Variants in CNPY1 observed in about 807,000 individuals in gnomAD.
CNPY1 encodes the protein canopy FGF signaling regulator 1.
CNPY1 carries 14 observed loss-of-function variants against 14.4 expected under a neutral mutation model. The observed-to-expected ratio is 0.97, with a 90% CI of 0.64 to 1.52. The LOEUF is 1.52. CNPY1 is among the 40% of genes most tolerant of loss of function. The pLI, the probability that CNPY1 is intolerant of heterozygous loss-of-function variation, is 0.00. For synonymous variants in CNPY1, 43 were observed against 46.5 expected (o/e 0.92, Z 0.31); for missense variants, 129 against 131.5 (o/e 0.98, Z 0.09).
intron 2 of CNPY1, among the ~76,000 whole-genome samples, chr7:155,527,060 T>TCTTTCTTTCTTTCTTTCTTTCTTTCTTTC (rs57894007): frequency 2.9e-5 from 4 of 140,120 alleles, no homozygotes; most frequent in South Asian, 2.3e-4. Context: ...CTTTCTTTTT[T>TCTTTCTTTCTTTCTTTCTTTCTTTCTTTC]TTTTTTTTTT....
intron 2 of CNPY1, among the ~76,000 whole-genome samples, chr7:155,511,461 T>G (rs1464264000): frequency 6.6e-6 from 1 of 152,232 alleles, no homozygotes; most frequent in East Asian, 1.9e-4. Context: ...TTTCCTAGGT[T>G]GCACCTTTTG....
rs894501772 is a variant in CNPY1 at position 155,536,156 on chromosome 7, A to T, written c.99+9675T>A. On this transcript the variant is annotated intron_variant, in intron 2 of 4. Coordinates refer to ENST00000636446, the MANE Select transcript of CNPY1 (RefSeq NM_001393663.1). The surrounding 1 kb of genome is among the most constrained non-coding windows in gnomAD (Gnocchi z 4.1). ...GGTGCCATTTGAAATGGGATGCTGTAAATCCATGGCATGCAGTGGTGAAAC... is the reference window on the plus strand; with the variant it reads ...GGTGCCATTTGAAATGGGATGCTGTTAATCCATGGCATGCAGTGGTGAAAC... Among the ~76,000 whole-genome samples the T allele has an allele frequency of 2.0e-5, 3 of 152,230 alleles. No homozygotes were observed. The highest frequency in any genetic ancestry group is 4.4e-5 in the Non-Finnish European group (3 of 68,010).
rs945806353 is a variant in CNPY1, at chr7:155,535,312, G to A, written c.99+10519C>T. On this transcript the variant is annotated intron_variant, in intron 2 of 4. Transcript: ENST00000636446. ...GCCTCCAGGAAGGTGAGCTGTGCCG[G>A]ACCAACAGCAGAAGCTTCAGGGGAG... Among the ~76,000 whole-genome samples, 3 of 152,170 alleles carry A rather than the reference G, an allele frequency of 2.0e-5. No individual in the cohort carries two copies. In the South Asian group the frequency reaches 6.2e-4, roughly 31 times the overall value.
rs1240812269 is a variant in CNPY1 at position 155,536,670 on chromosome 7, G to C, written c.99+9161C>G. Reference sequence around the variant, plus strand: ...CCCCATCCACCTGCTGGATGAACAGGACTCGGGCTTGGAGGAGGAGGAGCC... The same window carrying C: ...CCCCATCCACCTGCTGGATGAACAGCACTCGGGCTTGGAGGAGGAGGAGCC... On this transcript the variant is annotated intron_variant, in intron 2 of 4. Transcript: ENST00000636446. This position sits in a 1 kb window ranked among gnomAD's most constrained non-coding sequence, Gnocchi z 4.1. Among the ~76,000 whole-genome samples the C allele has an allele frequency of 6.6e-6, 1 of 152,116 alleles. No individual in the cohort carries two copies. The highest frequency in any genetic ancestry group is 1.9e-4 in the East Asian group (1 of 5,176).
chr7:155,519,552 A>AATAAATAT (rs1796679467), intron 2 of CNPY1, among the ~76,000 whole-genome samples: 1 of 148,382 alleles, frequency 6.7e-6, no homozygotes, highest in Non-Finnish European at 1.5e-5. Flanking sequence ...TAAATAAATA[A>AATAAATAT]ATAAATAAAT....
chr7:155,515,308 CG>C (rs773541498), intron 2 of CNPY1, among the ~76,000 whole-genome samples: 22 of 94,946 alleles, frequency 2.3e-4, no homozygotes, highest in East Asian at 1.7e-3. Flanking sequence ...CCCCCCCCCC[CG>C]GCCCCGGCCA....
Position 155,522,217 on chromosome 7 carries a change from T to A in CNPY1, c.100-13120A>T, listed in dbSNP as rs139974292. Reference sequence around the variant, plus strand: ...GAATGGGGCTTTGCACATATAGAGGTGCAGTCTTCTGTGACAGCCTGGCGG... The same window carrying A: ...GAATGGGGCTTTGCACATATAGAGGAGCAGTCTTCTGTGACAGCCTGGCGG... On this transcript the variant is annotated intron_variant, in intron 2 of 4. Transcript: ENST00000636446. 4.0e-3 allele frequency among the ~76,000 whole-genome samples: 608 copies of A among 152,352 alleles called. 10 individuals are homozygous for A. Among genetic ancestry groups the A allele is most frequent in the Non-Finnish European group, 1.5e-3 (103 of 68,028 alleles).
intron 2 of CNPY1, among the ~76,000 whole-genome samples, chr7:155,525,603 C>T (rs868521343): frequency 6.6e-5 from 10 of 152,202 alleles, no homozygotes; most frequent in South Asian, 2.1e-4. Flanking sequence ...CAGCCAGTAC[C>T]GGTAAGACCA....
chr7:155,533,646 G>C (rs1796982245), intron 2 of CNPY1: 1 of 152,194 alleles, frequency 6.6e-6, no homozygotes, highest in African/African-American at 2.4e-5. Context: ...AATTCCACTC[G>C]TCCACAGCGC....
intron 3 of CNPY1, 46 bp from the exon 4 acceptor site, chr7:155,507,162 G>A (rs1021462532): frequency 1.1e-5 from 13 of 1,217,666 alleles, no homozygotes; most frequent in Admixed American, 1.7e-5. Flanking sequence ...GCACACTGGC[G>A]GGGCACTTTG....
Position 155,501,864 on chromosome 7 carries a change from C to T in CNPY1, c.*1204G>A, listed in dbSNP as rs1796120633. 1 of 152,066 alleles carries T rather than the reference C, an allele frequency of 6.6e-6. No homozygotes were observed. Among genetic ancestry groups the T allele is most frequent in the African/African-American group, 2.4e-5 (1 of 41,408 alleles). The allele number at this position is 152,066 out of a possible 1,614,324, so 9.4% of individuals were successfully genotyped here. Reference sequence around the variant, plus strand: ...TAGGTGGGGAGGGGGCATGGAAAGCCCTTCCCCTTAGCTTTGGTAAATTTT... The same window carrying T: ...TAGGTGGGGAGGGGGCATGGAAAGCTCTTCCCCTTAGCTTTGGTAAATTTT... On this transcript the variant is annotated 3_prime_UTR_variant, in exon 5 of 5. Transcript: ENST00000636446.
At chr7:155,516,001 G>A (rs17837554) in intron 2 of CNPY1, among the ~76,000 whole-genome samples, 9,159 of 133,968 alleles carry the variant, frequency 0.068, 929 homozygotes, top group African/African-American at 0.23. Context: ...GCAAATGAAC[G>A]TGCACGCGTG....
At chr7:155,541,740 G>A (rs928641859) in intron 2 of CNPY1, among the ~76,000 whole-genome samples, 16 of 152,328 alleles carry the variant, frequency 1.1e-4, no homozygotes, top group African/African-American at 3.8e-4. Flanking sequence ...CTGGCCAGGA[G>A]GACAGTGTGG....
intron 2 of CNPY1, among the ~76,000 whole-genome samples, chr7:155,534,082 A>G (rs952539699): frequency 3.9e-5 from 6 of 152,264 alleles, no homozygotes; most frequent in Non-Finnish European, 7.4e-5. Context: ...GGACACTGAC[A>G]TGCCTGCCCT....
intron 2 of CNPY1, among the ~76,000 whole-genome samples, chr7:155,521,756 T>G (rs1796729735): frequency 6.6e-6 from 1 of 152,170 alleles, no homozygotes; most frequent in African/African-American, 2.4e-5. Flanking sequence ...TGCGCCCACA[T>G]TTGCGTACTG....
intron 2 of CNPY1, chr7:155,510,609 T>C (rs928573208): frequency 6.6e-6 from 1 of 152,226 alleles, no homozygotes; most frequent in Non-Finnish European, 1.5e-5. Flanking sequence ...CACACGTATC[T>C]AATCACTCAA....
At chr7:155,537,118 A>AGTAAG (rs1797032966) in intron 2 of CNPY1, among the ~76,000 whole-genome samples, 1 of 152,184 alleles carries the variant, frequency 6.6e-6, no homozygotes, top group African/African-American at 2.4e-5. Context: ...CCGCATGCTA[A>AGTAAG]CATCTTCTCA....
At position 155,510,810 on chromosome 7, in the gene CNPY1, T is replaced by C. The variant is rs368963008; in HGVS notation, c.100-1713A>G. On this transcript the variant is annotated intron_variant, in intron 2 of 4. Coordinates refer to ENST00000636446, the MANE Select transcript of CNPY1 (RefSeq NM_001393663.1). ...GAATACGTAGATTAACAAACAAAAC[T>C]GAAAATCTGTTTTATTAATTTACAG... 6.4e-4 allele frequency among the ~76,000 whole-genome samples: 97 copies of C among 152,316 alleles called. 2 individuals are homozygous for C. The South Asian group carries it at 0.01, about 16-fold the overall frequency.
intron 2 of CNPY1, chr7:155,510,485 A>G (rs1335353966): frequency 6.6e-6 from 1 of 152,146 alleles, no homozygotes; most frequent in Non-Finnish European, 1.5e-5. Context: ...CACAGGTAAC[A>G]TCCCTCCTTC....
Sources: gnomAD v4.1 joint callset for allele counts (sites outside exome capture counted in the v4.1 genomes callset) on GRCh38, gnomAD v4.1.1 for gene constraint, Gnocchi (gnomAD v3.1) non-coding constraint, MANE v1.5 for transcripts, NCBI Gene and HGNC (gene_info 2026-07-23, HGNC 2026-07-21) for gene names.